CLCN3: variants seen among roughly 807,000 people sequenced by gnomAD.
CLCN3 encodes H(+)/Cl(-) exchange transporter 3.
In CLCN3, 16 loss-of-function variants were observed where a neutral mutation model predicts 83.4. That is an observed-to-expected ratio of 0.19 (90% confidence interval 0.13 to 0.29). CLCN3 has a LOEUF of 0.29. CLCN3 is among the 10% of genes least tolerant of loss of function. The pLI is 1.00. For synonymous variants in CLCN3, 322 were observed against 346.2 expected, an observed-to-expected ratio of 0.93 and a Z score of 0.78; for missense variants, 544 against 1,006.0, an observed-to-expected ratio of 0.54 and a Z score of 6.21.
chr4:169,669,846 T>C (rs1433911234), intron 2 of CLCN3, among the ~76,000 whole-genome samples: 2 of 152,328 alleles, frequency 1.3e-5, no homozygotes, highest in South Asian at 2.1e-4. Context: ...GAAACCCATC[T>C]TTTGAATTCA....
At chr4:169,693,229 C>T (rs1243021161) in intron 7 of CLCN3, among the ~76,000 whole-genome samples, 1 of 152,140 alleles carries the variant, frequency 6.6e-6, no homozygotes, top group Non-Finnish European at 1.5e-5. Context: ...TTAATGTTCG[C>T]ATTAAAATAT....
chr4:169,719,418 C>T (rs551182910), intron 12 of CLCN3, among the ~76,000 whole-genome samples: 13 of 152,150 alleles, frequency 8.5e-5, no homozygotes, highest in Non-Finnish European at 1.9e-4. Context: ...GAGCTGAGAT[C>T]GCGCCACTGC....
Position 169,690,566 on chromosome 4 carries a change from A to G in CLCN3, c.643A>G (p.Ile215Val), listed in dbSNP as rs766991448. 8 of 1,613,636 alleles carry G rather than the reference A, an allele frequency of 5.0e-6. No homozygotes were observed. Among genetic ancestry groups the G allele is most frequent in the East Asian group, 2.2e-5 (1 of 44,878 alleles). The change falls in exon 6 of 13, where the codon ATC becomes GTC. Residue 215 changes from isoleucine (I) to valine (V), a missense_variant. By Grantham distance (29) the Ile-to-Val change is conservative. Transcript: ENST00000513761. Reference sequence around the variant, plus strand: ...TTATATCATGAACTACATAATGTACATCTTCTGGGCCTTGAGTTTTGCCTT... The same window carrying G: ...TTATATCATGAACTACATAATGTACGTCTTCTGGGCCTTGAGTTTTGCCTT... ...GSYIMNYIMY[I>V]FWALSFAFLA...
chr4:169,655,268 T>G (rs997971794), intron 2 of CLCN3, among the ~76,000 whole-genome samples: 1 of 152,236 alleles, frequency 6.6e-6, no homozygotes, highest in Non-Finnish European at 1.5e-5. Context: ...GCATTTATTT[T>G]CTAATTGGAA....
rs148967743 is a variant in CLCN3, at chr4:169,704,604, GATTT to G, written c.1750+424_1750+427del. 7.0e-4 allele frequency among the ~76,000 whole-genome samples: 106 copies of G among 152,214 alleles called. 1 individual carries two copies. The East Asian group carries it at 0.019, about 27-fold the overall frequency. On this transcript the variant is annotated intron_variant, in intron 10 of 12. Coordinates refer to ENST00000513761, the MANE Select transcript of CLCN3 (RefSeq NM_001829.4). ...AGTAGGTTTACTTTGGTTCTGAAAT[GATTT>G]ATTGTTAGCCTTAGTAAAAGATGTA...
intron 2 of CLCN3, among the ~76,000 whole-genome samples, chr4:169,648,763 A>G (rs1445392538): frequency 2.0e-5 from 3 of 152,238 alleles, no homozygotes; most frequent in Non-Finnish European, 2.9e-5. Context: ...ACAGTGGCTT[A>G]TGCCTATAAT....
At chr4:169,692,028 G>T (rs1238379680) in intron 6 of CLCN3, 86 bp from the exon 7 acceptor site, 3 of 919,040 alleles carry the variant, frequency 3.3e-6, no homozygotes, top group Non-Finnish European at 3.3e-6. Flanking sequence ...GGTTGTTTTT[G>T]TGCATAAAAC....
intron 2 of CLCN3, among the ~76,000 whole-genome samples, chr4:169,647,021 T>C (rs1433273960): frequency 6.6e-6 from 1 of 152,198 alleles, no homozygotes; most frequent in Admixed American, 6.5e-5. Flanking sequence ...AACTTACTTA[T>C]ACTTTCTGCA....
Position 169,720,378 on chromosome 4 carries a change from T to C in CLCN3, c.*381T>C. On this transcript the variant is annotated 3_prime_UTR_variant, in exon 13 of 13. Transcript: ENST00000513761. ...GCTCCAACATTGCAAAGACACATTA[T>C]CAGTCCCTATTTCTAGAGGGATTAC... The C allele has an allele frequency of 4.3e-6, 1 of 230,360 alleles. No homozygotes were observed. The highest frequency in any genetic ancestry group is 8.4e-6 in the Non-Finnish European group (1 of 118,950). The allele number at this position is 230,360 out of a possible 1,614,324, so 14.3% of individuals were successfully genotyped here.
At chr4:169,718,336 T>TAGCAATTAG (rs1363608981) in intron 12 of CLCN3, among the ~76,000 whole-genome samples, 1 of 152,056 alleles carries the variant, frequency 6.6e-6, no homozygotes, top group Non-Finnish European at 1.5e-5. Context: ...TAAAGGAGCT[T>TAGCAATTAG]AGCAATTAGA....
chr4:169,685,798 ATTATTT>A (rs1267094051), intron 3 of CLCN3, among the ~76,000 whole-genome samples: 1 of 152,222 alleles, frequency 6.6e-6, no homozygotes, highest in Non-Finnish European at 1.5e-5. Flanking sequence ...TTTCTTACAC[ATTATTT>A]TTATTGAGGA....
chr4:169,636,720 A>T (rs1773511309), intron 2 of CLCN3, among the ~76,000 whole-genome samples: 1 of 113,700 alleles, frequency 8.8e-6, no homozygotes. Flanking sequence ...TTCTACACTG[A>T]TATTTCATTA....
intron 1 of CLCN3, among the ~76,000 whole-genome samples, chr4:169,632,984 C>A (rs915717981): frequency 3.3e-5 from 5 of 152,030 alleles, no homozygotes; most frequent in African/African-American, 1.2e-4. Context: ...GGCCTTATTA[C>A]TGGAAGTTTT....
At chr4:169,622,673 C>A (rs1773138007) in intron 1 of CLCN3, among the ~76,000 whole-genome samples, 1 of 152,156 alleles carries the variant, frequency 6.6e-6, no homozygotes, top group Non-Finnish European at 1.5e-5. Context: ...TCACTAATCC[C>A]GTTTTACATT....
At chr4:169,634,823 G>T (rs1773465697) in intron 1 of CLCN3, among the ~76,000 whole-genome samples, 1 of 152,094 alleles carries the variant, frequency 6.6e-6, no homozygotes, top group Non-Finnish European at 1.5e-5. Context: ...GCAGAGGCAT[G>T]CTCTCAAGGA....
intron 11 of CLCN3, among the ~76,000 whole-genome samples, chr4:169,710,907 T>TA (rs1339942406): frequency 6.6e-6 from 1 of 152,152 alleles, no homozygotes; most frequent in African/African-American, 2.4e-5. Flanking sequence ...TTGCCCAGGG[T>TA]AGACTTGAAC....
intron 7 of CLCN3, among the ~76,000 whole-genome samples, chr4:169,694,355 A>G (rs1721155146): frequency 6.6e-6 from 1 of 152,240 alleles, no homozygotes; most frequent in Non-Finnish European, 1.5e-5. Flanking sequence ...ATCTACCCAT[A>G]GCCATACAGC....
chr4:169,635,907 C>G lies in CLCN3; in HGVS notation c.-16-6C>G. Reference sequence around the variant, plus strand: ...AAATGTTAAAACTACTTTTTCCCCCCCACAGATAATCAGACAGCTAAATGG... The same window carrying G: ...AAATGTTAAAACTACTTTTTCCCCCGCACAGATAATCAGACAGCTAAATGG... On this transcript the variant is annotated splice_region_variant and splice_polypyrimidine_tract_variant and intron_variant, in intron 1 of 12. Coordinates refer to ENST00000513761, the MANE Select transcript of CLCN3 (RefSeq NM_001829.4). 6.6e-7 allele frequency: 1 copy of G among 1,516,132 alleles called. No homozygotes were observed. 93.9% of individuals were successfully genotyped at this position (1,516,132 alleles called of 1,614,324 possible). A position where few individuals can be genotyped will look rare whatever the true frequency, so the allele number is the denominator to read the frequency against.
chr4:169,712,178 T>C (rs1733247165), intron 11 of CLCN3, among the ~76,000 whole-genome samples: 1 of 152,126 alleles, frequency 6.6e-6, no homozygotes, highest in Non-Finnish European at 1.5e-5. Flanking sequence ...ATTTTCACTA[T>C]AACAAATATC....
Sources: gnomAD v4.1 joint callset for allele counts (sites outside exome capture counted in the v4.1 genomes callset) on GRCh38, gnomAD v4.1.1 for gene constraint, MANE v1.5 for transcripts, NCBI Gene and HGNC (gene_info 2026-07-23, HGNC 2026-07-21) for gene names.